ZNF512: variants seen among roughly 807,000 people sequenced by gnomAD.
The protein encoded by ZNF512 is zinc finger protein 512.
Under a neutral mutation model 77.5 loss-of-function variants are expected in ZNF512, and 25 were observed. The observed-to-expected ratio is 0.32, with a 90% CI of 0.23 to 0.45. The LOEUF (loss-of-function observed/expected upper bound fraction) is 0.45, where lower values mean the gene tolerates loss of function less well. Among genes scored for constraint, ZNF512 ranks in the 20% least tolerant of loss-of-function variants. The pLI, the probability that ZNF512 is intolerant of heterozygous loss-of-function variation, is 1.00. For missense variants in ZNF512, 483 were observed against 692.6 expected (o/e 0.70, Z 3.40); for synonymous variants, 246 against 239.9 (o/e 1.03, Z -0.24).
chr2:27,602,923 C>G (rs1672184037), intron 8 of ZNF512, among the ~76,000 whole-genome samples: 1 of 152,108 alleles, frequency 6.6e-6, no homozygotes, highest in Non-Finnish European at 1.5e-5. Context: ...TATAGTTTAT[C>G]AAGGGCTGAC....
intron 3 of ZNF512, among the ~76,000 whole-genome samples, chr2:27,599,264 C>G (rs1187677377): frequency 6.6e-6 from 1 of 152,164 alleles, no homozygotes; most frequent in East Asian, 1.9e-4. Context: ...GTGGCTAGCC[C>G]TCTATCTTGA....
chr2:27,598,306 G>A (rs1219675650), intron 3 of ZNF512, 52 bp downstream of exon 3: 8 of 1,548,714 alleles, frequency 5.2e-6, no homozygotes, highest in African/African-American at 2.7e-5. Flanking sequence ...TAAAGTTATA[G>A]TTTGAGATTG....
chr2:27,594,042 G>C (rs1307015124), intron 2 of ZNF512, among the ~76,000 whole-genome samples: 1 of 152,192 alleles, frequency 6.6e-6, no homozygotes, highest in Non-Finnish European at 1.5e-5. Flanking sequence ...AATGGTCACT[G>C]TCTCTTCGGA....
At chr2:27,590,608 C>T (rs1172820372) in intron 2 of ZNF512, among the ~76,000 whole-genome samples, 1 of 151,866 alleles carries the variant, frequency 6.6e-6, no homozygotes, top group East Asian at 1.9e-4. Context: ...TCTGTTTATC[C>T]ATTGTTTTTT....
At chr2:27,594,708 T>A (rs920516509) in intron 2 of ZNF512, among the ~76,000 whole-genome samples, 4 of 151,458 alleles carry the variant, frequency 2.6e-5, no homozygotes, top group African/African-American at 9.7e-5. Context: ...GCAGAGACGC[T>A]CCTCACTTCC....
In ZNF512 at chr2:27,619,292, A is replaced by T. The variant is rs144176364; in HGVS notation, c.1395+1721A>T. Reference sequence around the variant, plus strand: ...GTGGCGGGCACCTGTAATCCCAGCTACTTGGGAGGCTGAGGCAGGAGATTT... The same window carrying T: ...GTGGCGGGCACCTGTAATCCCAGCTTCTTGGGAGGCTGAGGCAGGAGATTT... On this transcript the variant is annotated intron_variant, in intron 13 of 13. Transcript: ENST00000355467. Among the ~76,000 whole-genome samples, 365 of 152,168 alleles carry T rather than the reference A, an allele frequency of 2.4e-3. 1 individual carries two copies. Among genetic ancestry groups the T allele is most frequent in the Non-Finnish European group, 4.3e-3 (292 of 67,992 alleles).
chr2:27,615,090 G>A, intron 10 of ZNF512, 78 bp from the exon 11 acceptor site: 1 of 810,514 alleles, frequency 1.2e-6, no homozygotes, highest in Non-Finnish European at 2.1e-6. Flanking sequence ...ATAACCTAAA[G>A]AGTTGGGTGT....
At chr2:27,616,566 C>T (rs775319879) in intron 12 of ZNF512, among the ~76,000 whole-genome samples, 12 of 152,170 alleles carry the variant, frequency 7.9e-5, no homozygotes, top group Non-Finnish European at 1.8e-4. Flanking sequence ...TTGGAAGAAA[C>T]ATATATTTGT....
At chr2:27,600,556 G>T in intron 5 of ZNF512, 135 bp from the exon 6 acceptor site, 2 of 984,906 alleles carry the variant, frequency 2.0e-6, no homozygotes, top group South Asian at 3.5e-5. Context: ...GTTATACCCA[G>T]CAAGAGCCTC....
chr2:27,613,053 C>G (rs1177750474), intron 10 of ZNF512, among the ~76,000 whole-genome samples: 1 of 152,226 alleles, frequency 6.6e-6, no homozygotes, highest in African/African-American at 2.4e-5. Context: ...TGTGTTCCCA[C>G]TTACCTCCAA....
At chr2:27,610,562 A>T (rs1401245216) in intron 10 of ZNF512, among the ~76,000 whole-genome samples, 1 of 29,748 alleles carries the variant, frequency 3.4e-5, no homozygotes, top group Non-Finnish European at 6.8e-5. Flanking sequence ...ATATATATAT[A>T]TATATATTTT....
At chr2:27,618,483 A>G (rs1672990044) in intron 13 of ZNF512, among the ~76,000 whole-genome samples, 1 of 152,228 alleles carries the variant, frequency 6.6e-6, no homozygotes, top group African/African-American at 2.4e-5. Context: ...CCCAAAGGTG[A>G]TAGTTGTAGT....
At chr2:27,611,235 A>C (rs1383320705) in intron 10 of ZNF512, among the ~76,000 whole-genome samples, 1 of 152,218 alleles carries the variant, frequency 6.6e-6, no homozygotes, top group African/African-American at 2.4e-5. Context: ...GGATATTATC[A>C]GGATACCACA....
At chr2:27,593,026 C>T (rs1047200429) in intron 2 of ZNF512, among the ~76,000 whole-genome samples, 2 of 151,570 alleles carry the variant, frequency 1.3e-5, no homozygotes, top group East Asian at 3.9e-4. Context: ...CTCTTCACTC[C>T]CTCATGTCTC....
Position 27,621,297 on chromosome 2 carries a change from C to T in ZNF512, c.1540C>T (p.Leu514Phe). ...AAGGCGGCAGCAGCCTGGCATTGAG[C>T]TTCCCGAGACAGAGCTGAGTCTTAG... ...LRRRQQPGIE[L>F]PETELSLRVG... Residue 514 changes from leucine (L) to phenylalanine (F), a missense_variant, in exon 14 of 14, where the codon CTT (leucine) becomes TTT (phenylalanine). Coordinates refer to ENST00000355467, the MANE Select transcript of ZNF512 (RefSeq NM_032434.4). The T allele has an allele frequency of 6.2e-7, 1 of 1,614,170 alleles. No homozygotes were observed. Among genetic ancestry groups the T allele is most frequent in the Non-Finnish European group, 8.5e-7 (1 of 1,180,022 alleles).
intron 2 of ZNF512, among the ~76,000 whole-genome samples, chr2:27,592,693 T>G (rs10207922): frequency 0.01 from 1,003 of 95,614 alleles, 10 homozygotes; most frequent in African/African-American, 0.035. Context: ...TTTTTTTTTT[T>G]TTTTGTTTGA....
At chr2:27,585,857 T>C (rs1032795049) in intron 2 of ZNF512, among the ~76,000 whole-genome samples, 1 of 152,234 alleles carries the variant, frequency 6.6e-6, no homozygotes, top group Non-Finnish European at 1.5e-5. Flanking sequence ...TTTCTTGTTA[T>C]ATGTATGGAA....
chr2:27,609,560 T>C (rs766827967), intron 10 of ZNF512, among the ~76,000 whole-genome samples: 2 of 151,802 alleles, frequency 1.3e-5, no homozygotes, highest in Non-Finnish European at 2.9e-5. Context: ...AAACCCCGTC[T>C]CTACTAAAAA....
intron 10 of ZNF512, among the ~76,000 whole-genome samples, chr2:27,612,467 G>A (rs1672708524): frequency 1.3e-5 from 2 of 151,842 alleles, no homozygotes; most frequent in African/African-American, 4.8e-5. Flanking sequence ...ATAAAGGCAT[G>A]TATAGTCATA....
Sources: gnomAD v4.1 joint callset for allele counts (sites outside exome capture counted in the v4.1 genomes callset) on GRCh38, gnomAD v4.1.1 for gene constraint, MANE v1.5 for transcripts, NCBI Gene and HGNC (gene_info 2026-07-23, HGNC 2026-07-21) for gene names.